IFT122: variants seen among roughly 807,000 people sequenced by gnomAD.
The protein encoded by IFT122 is intraflagellar transport protein 122 homolog.
IFT122 carries 118 observed loss-of-function variants against 161.6 expected under a neutral mutation model. The observed-to-expected ratio is 0.73, with a 90% CI of 0.63 to 0.85. The LOEUF is 0.85. Among genes scored for constraint, IFT122 ranks in the 40% least tolerant of loss-of-function variants. The probability of loss-of-function intolerance (pLI) is 0.00; values close to 1 mark genes in which losing one functional copy is unlikely to be tolerated. For missense variants in IFT122, 1,381 were observed against 1,579.6 expected (o/e 0.87, Z 2.13); for synonymous variants, 550 against 602.4 (o/e 0.91, Z 1.27).
intron 26 of IFT122, among the ~76,000 whole-genome samples, chr3:129,517,267 T>TGCACGCGC (rs1553776415): frequency 5.6e-5 from 5 of 89,782 alleles, no homozygotes; most frequent in African/African-American, 2.3e-4. Context: ...ACATTGCTCC[T>TGCACGCGC]GCACACACAC....
At chr3:129,508,855 TG>T (rs1482543157) in intron 23 of IFT122, among the ~76,000 whole-genome samples, 1 of 152,122 alleles carries the variant, frequency 6.6e-6, no homozygotes, top group Admixed American at 6.6e-5. Context: ...TGCAGTCAGG[TG>T]GGTGGAGAAG....
Position 129,483,636 on chromosome 3 carries a change from T to C in IFT122, c.1805T>C (p.Ile602Thr). 6.2e-7 allele frequency: 1 copy of C among 1,612,242 alleles called. No homozygotes were observed. Among genetic ancestry groups the C allele is most frequent in the African/African-American group, 1.3e-5 (1 of 74,978 alleles). Residue 602 changes from isoleucine to threonine, a missense_variant, in exon 15 of 30, where the codon ATC (isoleucine) becomes ACC (threonine). Physicochemically the swap from Ile to Thr is moderately conservative, Grantham distance 89. Around this residue, in one of 7 missense-constraint regions of IFT122, gnomAD observed 544 missense variants for 648.0 expected, o/e 0.84. Coordinates refer to ENST00000348417, the MANE Select transcript of IFT122 (RefSeq NM_052989.3). ...GFVVGYNGSKIFCLHVFSISA... is the reference protein window; with the variant it reads ...GFVVGYNGSKTFCLHVFSISA... ...GTGGTCGGCTACAATGGCTCCAAGA[T>C]CTTCTGCCTCCATGTCTTCTCCATT... is the stretch of plus-strand genomic sequence containing the variant.
Position 129,479,895 on chromosome 3 carries a change from C to A in IFT122, c.1461C>A (p.Gly487=), listed in dbSNP as rs973659097. ...KVIGGPPGRE[G]LLVGLKNGQI... ...TCGGTGGCCCTCCTGGAAGAGAAGG[C>A]CTCTTAGTGGGGCTGAAGAATGGAC... is the stretch of plus-strand genomic sequence containing the variant. Residue 487 remains glycine, a synonymous_variant, in exon 13 of 30, where the codon GGC becomes GGA. Transcript: ENST00000348417. 1.5e-5 allele frequency: 24 copies of A among 1,613,858 alleles called. No homozygotes were observed. Among genetic ancestry groups the A allele is most frequent in the Non-Finnish European group, 2.0e-5 (24 of 1,180,008 alleles).
chr3:129,478,002 T>C lies in IFT122; in HGVS notation c.1148-14T>C, dbSNP rs2078164467. The C allele has an allele frequency of 6.2e-6, 10 of 1,612,070 alleles. No homozygotes were observed. Among genetic ancestry groups the C allele is most frequent in the Non-Finnish European group, 8.5e-6 (10 of 1,178,162 alleles). On this transcript the variant is annotated splice_polypyrimidine_tract_variant and intron_variant, in intron 11 of 29. Coordinates refer to ENST00000348417, the MANE Select transcript of IFT122 (RefSeq NM_052989.3). Reference sequence around the variant, plus strand: ...CAACCTCTTGCTAGAACTAGATATTTTTTTCTTTGACAGTTCGGATTAAAT... The same window carrying C: ...CAACCTCTTGCTAGAACTAGATATTCTTTTCTTTGACAGTTCGGATTAAAT...
chr3:129,454,511 A>ATT lies in IFT122; in HGVS notation c.193+2515_193+2516dup, dbSNP rs1297225842. Among the ~76,000 whole-genome samples, 34 of 106,898 alleles carry ATT rather than the reference A, an allele frequency of 3.2e-4. No homozygotes were observed. The East Asian group carries it at 4.2e-3, about 13-fold the overall frequency. The allele number at this position is 106,898 out of a possible 152,430, so 70.1% of individuals were successfully genotyped here. ...AGGTGTGCTGTACCATGGTAGTCATATTTGTGTGTGTGTGTGTGTGTGTGT... is the reference window on the plus strand; with the variant it reads ...AGGTGTGCTGTACCATGGTAGTCATATTTTTGTGTGTGTGTGTGTGTGTGTGT... On this transcript the variant is annotated intron_variant, in intron 3 of 29. Transcript: ENST00000348417.
chr3:129,514,551 T>C lies in IFT122; in HGVS notation c.3150T>C (p.Ser1050=), dbSNP rs1431927064. The C allele has an allele frequency of 2.5e-6, 4 of 1,614,060 alleles. No individual in the cohort carries two copies. The East Asian group carries it at 6.7e-5, about 27-fold the overall frequency. Residue 1050 remains serine (S), a synonymous_variant, in exon 25 of 30, where the codon AGT becomes AGC. Coordinates refer to ENST00000348417, the MANE Select transcript of IFT122 (RefSeq NM_052989.3). The part of the protein sequence containing the change: ...LTIRAKPFHD[S]EELVPLCYRC... ...TCCGCGCCAAGCCCTTCCACGACAG[T>C]GAGGTGAGGATGCAGCACCCTTGGG...
At chr3:129,490,661 T>C (rs960871231) in intron 16 of IFT122, among the ~76,000 whole-genome samples, 3 of 152,174 alleles carry the variant, frequency 2.0e-5, no homozygotes, top group African/African-American at 7.2e-5. Context: ...AGCAGAGAAG[T>C]AGGCTCAGAG....
chr3:129,514,877 C>G, intron 25 of IFT122: 1 of 479,552 alleles, frequency 2.1e-6, no homozygotes, highest in Non-Finnish European at 3.8e-6. Flanking sequence ...CAGGCCTGGC[C>G]CCAGAGCTGA....
intron 9 of IFT122, among the ~76,000 whole-genome samples, chr3:129,475,883 A>C (rs1365506014): frequency 1.3e-5 from 2 of 152,262 alleles, no homozygotes; most frequent in Non-Finnish European, 2.9e-5. Flanking sequence ...GACAGTCTTT[A>C]AACTGAATAA....
At chr3:129,511,691 G>C (rs1416044505) in intron 23 of IFT122, among the ~76,000 whole-genome samples, 1 of 152,200 alleles carries the variant, frequency 6.6e-6, no homozygotes, top group African/African-American at 2.4e-5. Context: ...TGTGCTAACT[G>C]CCTCCTGTTA....
chr3:129,450,733 TTTTTG>T (rs1179050052), intron 2 of IFT122, among the ~76,000 whole-genome samples: 176 of 112,244 alleles, frequency 1.6e-3, no homozygotes, highest in South Asian at 4.5e-3. Context: ...TTTTTTTTTT[TTTTTG>T]GAGACAGAGT....
chr3:129,444,361 A>G (rs927440272), intron 1 of IFT122, among the ~76,000 whole-genome samples: 3 of 152,110 alleles, frequency 2.0e-5, no homozygotes, highest in African/African-American at 7.2e-5. Context: ...GAGTGTGATA[A>G]TCATCCTTGT....
At chr3:129,512,808 G>T (rs1274137968) in intron 24 of IFT122, 5 of 278,054 alleles carry the variant, frequency 1.8e-5, no homozygotes, top group Non-Finnish European at 3.5e-5. Flanking sequence ...AGCACCTTCT[G>T]TGCCCCAAGC....
intron 1 of IFT122, among the ~76,000 whole-genome samples, chr3:129,447,028 C>G (rs962600458): frequency 1.3e-5 from 2 of 152,204 alleles, no homozygotes; most frequent in South Asian, 4.1e-4. Context: ...TAATATGGCT[C>G]TAGCCCATTT....
intron 4 of IFT122, among the ~76,000 whole-genome samples, chr3:129,459,029 G>T (rs1338368809): frequency 6.6e-6 from 1 of 152,304 alleles, no homozygotes; most frequent in South Asian, 2.1e-4. Context: ...CTTGGGGTCA[G>T]TGTGCTCCAG....
chr3:129,472,727 T>A (rs1037647714), intron 9 of IFT122, among the ~76,000 whole-genome samples: 8 of 131,746 alleles, frequency 6.1e-5, no homozygotes. Flanking sequence ...GACCTTTTGT[T>A]ACTGTTCTCC....
rs1206558090 is a variant in IFT122, at chr3:129,467,120, C to CA, written c.740+55dup. ...TTCTGGTAAGGGCCCAGGCCCCACA[C>CA]AGACTTGCCAGGACAGATGTTAAAC... is the stretch of plus-strand genomic sequence containing the variant. On this transcript the variant is annotated intron_variant, in intron 8 of 29. Coordinates refer to ENST00000348417, the MANE Select transcript of IFT122 (RefSeq NM_052989.3). 5 of 1,533,372 alleles carry CA rather than the reference C, an allele frequency of 3.3e-6. No homozygotes were observed. The African/African-American group carries it at 5.5e-5, about 17-fold the overall frequency. 95.0% of individuals were successfully genotyped at this position (1,533,372 alleles called of 1,614,324 possible).
chr3:129,481,336 T>C, intron 13 of IFT122, 194 bp from the exon 14 acceptor site: 1 of 608,440 alleles, frequency 1.6e-6, no homozygotes, highest in South Asian at 1.7e-5. Context: ...TGAACCTCGC[T>C]TCTGGCCTCC....
chr3:129,474,674 C>T (rs917408553), intron 9 of IFT122, among the ~76,000 whole-genome samples: 5 of 152,082 alleles, frequency 3.3e-5, no homozygotes, highest in Admixed American at 6.6e-5. Context: ...AAGCATTGCC[C>T]GCTTAGGAAA....
Sources: allele counts gnomAD v4.1 joint callset (sites outside exome capture counted in the v4.1 genomes callset), GRCh38; gene constraint gnomAD v4.1.1; regional missense constraint gnomAD v4.1.1; transcripts MANE v1.5; gene names NCBI Gene and HGNC (gene_info 2026-07-23, HGNC 2026-07-21).